The following ADGRL1 variants were observed in gnomAD, a reference collection of about 807,000 sequenced individuals.
The protein encoded by ADGRL1 is adhesion G protein-coupled receptor L1, also known as CIRL-1.
A neutral mutation model predicts 148.9 loss-of-function variants in ADGRL1; 31 were observed. The observed-to-expected ratio is 0.21, with a 90% confidence interval of 0.16 to 0.28. The LOEUF (loss-of-function observed/expected upper bound fraction) is 0.28, where lower values mean the gene tolerates loss of function less well. ADGRL1 is among the 10% of genes least tolerant of loss of function. The pLI, the probability that ADGRL1 is intolerant of heterozygous loss-of-function variation, is 1.00. For missense variants in ADGRL1, 1,521 were observed against 2,058.8 expected (o/e 0.74, Z 5.05); for synonymous variants, 937 against 900.3 (o/e 1.04, Z -0.73).
intron 3 of ADGRL1, among the ~76,000 whole-genome samples, chr19:14,172,705 A>C (rs563441355): frequency 3.3e-5 from 5 of 152,248 alleles, no homozygotes; most frequent in African/African-American, 1.2e-4. Context: ...GCACCGCTGT[A>C]CTCCAGAAGT....
At chr19:14,205,247 T>C (rs1221949085) in intron 1 of ADGRL1, among the ~76,000 whole-genome samples, 1 of 151,848 alleles carries the variant, frequency 6.6e-6, no homozygotes, top group African/African-American at 2.4e-5. Flanking sequence ...AATGCGCACC[T>C]GGGGTGGGGG....
intron 2 of ADGRL1, among the ~76,000 whole-genome samples, chr19:14,179,436 G>A (rs1971040849): frequency 6.6e-6 from 1 of 152,030 alleles, no homozygotes; most frequent in African/African-American, 2.4e-5. Flanking sequence ...AGGGCTTGCA[G>A]TGAGCTGAGA....
intron 1 of ADGRL1, among the ~76,000 whole-genome samples, chr19:14,185,910 T>G (rs1971546155): frequency 6.6e-6 from 1 of 152,268 alleles, no homozygotes; most frequent in African/African-American, 2.4e-5. Flanking sequence ...TTCCTCCACC[T>G]GTAGCTTCTG....
At chr19:14,194,637 A>G (rs767562456) in intron 1 of ADGRL1, among the ~76,000 whole-genome samples, 1 of 152,210 alleles carries the variant, frequency 6.6e-6, no homozygotes, top group Non-Finnish European at 1.5e-5. Flanking sequence ...GCTTGAACCC[A>G]GGGAGGGCTG....
chr19:14,194,236 A>G (rs1174492173), intron 1 of ADGRL1, among the ~76,000 whole-genome samples: 3 of 152,186 alleles, frequency 2.0e-5, no homozygotes, highest in Non-Finnish European at 4.4e-5. Flanking sequence ...AAAAACCAAT[A>G]AAGTCTCTGT....
intron 2 of ADGRL1, among the ~76,000 whole-genome samples, chr19:14,179,842 G>A (rs201329958): frequency 2.6e-5 from 4 of 152,036 alleles, no homozygotes; most frequent in African/African-American, 7.2e-5. Flanking sequence ...CCCAGGAGGC[G>A]GAGGTTGCAG....
At chr19:14,180,909 G>A (rs1039868879) in intron 2 of ADGRL1, among the ~76,000 whole-genome samples, 1 of 151,904 alleles carries the variant, frequency 6.6e-6, no homozygotes, top group African/African-American at 2.4e-5. Flanking sequence ...TTAGCCGGGC[G>A]TGGTGGCAGG....
chr19:14,177,473 G>A (rs1970901790), intron 3 of ADGRL1, 58 bp downstream of exon 3: 2 of 1,472,428 alleles, frequency 1.4e-6, no homozygotes, highest in Non-Finnish European at 9.5e-7. Flanking sequence ...GTGCTGGCAG[G>A]TGTGCAGTGC....
chr19:14,157,816 G>C lies in ADGRL1; in HGVS notation c.2535+66C>G. The stretch of plus-strand genomic sequence containing the variant: ...CCTGGTACTGCCCGTGATCTCTCTA[G>C]GATGCCATGCAAAGCCAGGCCAGCA... On this transcript the variant is annotated intron_variant, in intron 13 of 22. Transcript: ENST00000361434. The surrounding 1 kb of genome is among the most constrained non-coding windows in gnomAD (Gnocchi z 7.5). The C allele has an allele frequency of 1.3e-6, 2 of 1,573,212 alleles. No individual in the cohort carries two copies. Among genetic ancestry groups the C allele is most frequent in the Admixed American group, 1.8e-5 (1 of 56,498 alleles).
At chr19:14,172,258 C>G (rs1345635177) in intron 3 of ADGRL1, among the ~76,000 whole-genome samples, 1 of 152,098 alleles carries the variant, frequency 6.6e-6, no homozygotes, top group Non-Finnish European at 1.5e-5. Flanking sequence ...CCTGTCTCTA[C>G]TAAAAATACA....
rs752628597 is a variant in ADGRL1, at chr19:14,156,162, T to A, written c.3073A>T (p.Ile1025Phe). 3 of 1,612,596 alleles carry A rather than the reference T, an allele frequency of 1.9e-6. No homozygotes were observed. The South Asian group carries it at 3.3e-5, about 18-fold the overall frequency. The change falls in exon 17 of 23, where the codon ATC becomes TTC. Residue 1025 changes from isoleucine (I) to phenylalanine (F), a missense_variant. Around this residue, in one of 8 missense-constraint regions of ADGRL1, gnomAD observed 185 missense variants for 251.7 expected, o/e 0.74. Transcript: ENST00000361434. ...GGCTTGAGCACAGATGAGCTTCGGA[T>A]CATCTTGTGCAGGGTCACCATGAGG... ...VFLMVTLHKM[I>F]RSSSVLKPDS...
At chr19:14,153,748 C>T (rs1968451579) in intron 18 of ADGRL1, among the ~76,000 whole-genome samples, 3 of 150,666 alleles carry the variant, frequency 2.0e-5, no homozygotes, top group Non-Finnish European at 3.0e-5. Flanking sequence ...GTCAGGAGTT[C>T]GAGACCAGCC....
At chr19:14,158,877 A>G (rs749534237) in intron 11 of ADGRL1, among the ~76,000 whole-genome samples, 3 of 152,162 alleles carry the variant, frequency 2.0e-5, no homozygotes, top group Non-Finnish European at 4.4e-5. Context: ...ATCCTCTCTG[A>G]GCTGTGAGGC....
intron 16 of ADGRL1, 103 bp from the exon 17 acceptor site, chr19:14,156,304 C>T (rs1253770627): frequency 1.9e-5 from 18 of 924,168 alleles, no homozygotes; most frequent in South Asian, 1.3e-4. Flanking sequence ...CTGTGGCCCT[C>T]GCCTCTGCTG....
At chr19:14,181,980 G>T (rs544681370) in intron 2 of ADGRL1, among the ~76,000 whole-genome samples, 1 of 152,274 alleles carries the variant, frequency 6.6e-6, no homozygotes, top group African/African-American at 2.4e-5. Flanking sequence ...CTCCCTGGGG[G>T]GATTGCGTTG....
At chr19:14,156,076 G>T in intron 17 of ADGRL1, 34 bp downstream of exon 17, 1 of 1,481,340 alleles carries the variant, frequency 6.8e-7, no homozygotes, top group Non-Finnish European at 9.2e-7. Flanking sequence ...GGGGGTGGGT[G>T]ATGGGGCAGG....
chr19:14,163,105 G>A lies in ADGRL1; in HGVS notation c.696C>T (p.Asp232=), dbSNP rs761297469. 6.8e-6 allele frequency: 11 copies of A among 1,614,026 alleles called. No individual in the cohort carries two copies. Among genetic ancestry groups the A allele is most frequent in the South Asian group, 3.3e-5 (3 of 91,094 alleles). Residue 232 remains aspartate (D), a synonymous_variant, in exon 5 of 23, where the codon GAC becomes GAT. Coordinates refer to ENST00000361434, the MANE Select transcript of ADGRL1 (RefSeq NM_014921.5). ...CCCCGCTCTTGATGCGCGTCCGTAGGTCATACTTGACGATGTTGCGCGTGC... is the reference window on the plus strand; with the variant it reads ...CCCCGCTCTTGATGCGCGTCCGTAGATCATACTTGACGATGTTGCGCGTGC... ...KERTRNIVKY[D]LRTRIKSGET...
intron 1 of ADGRL1, 29 bp from the exon 2 acceptor site, chr19:14,183,726 G>A (rs1005133527): frequency 4.8e-6 from 4 of 839,970 alleles, no homozygotes; most frequent in Non-Finnish European, 7.4e-6. Flanking sequence ...ACTGAGGTGG[G>A]GATAGGGCCT....
At position 14,161,008 on chromosome 19, in the gene ADGRL1, G is replaced by A. The variant is rs1050549336; in HGVS notation, c.1510+304C>T. On this transcript the variant is annotated intron_variant, in intron 6 of 22. Coordinates refer to ENST00000361434, the MANE Select transcript of ADGRL1 (RefSeq NM_014921.5). This position sits in a 1 kb window ranked among gnomAD's most constrained non-coding sequence, Gnocchi z 4.4. ...CTCCCCTCAGATCTCCAGGACACAC[G>A]GCCCTGCCCTTTTTGCACTTCAGCT... is the stretch of plus-strand genomic sequence containing the variant. Among the ~76,000 whole-genome samples, 4 of 152,132 alleles carry A rather than the reference G, an allele frequency of 2.6e-5. No individual in the cohort carries two copies. Among genetic ancestry groups the A allele is most frequent in the South Asian group, 2.1e-4 (1 of 4,820 alleles).
Sources: allele counts gnomAD v4.1 joint callset (sites outside exome capture counted in the v4.1 genomes callset), GRCh38; gene constraint gnomAD v4.1.1; regional missense constraint gnomAD v4.1.1; non-coding constraint Gnocchi (gnomAD v3.1); transcripts MANE v1.5; gene names NCBI Gene and HGNC (gene_info 2026-07-23, HGNC 2026-07-21).